Variants in NEBL observed in about 807,000 individuals in gnomAD.
NEBL encodes LIM and SH3 protein 2.
Under a neutral mutation model 140.2 loss-of-function variants are expected in NEBL, and 122 were observed. That is an observed-to-expected ratio of 0.87 (90% confidence interval 0.75 to 1.01). NEBL has a LOEUF of 1.01. NEBL is among the 50% of genes least tolerant of loss of function. The pLI is 0.00. For missense variants in NEBL, 1,365 were observed against 1,231.3 expected (o/e 1.11, Z -1.62); for synonymous variants, 436 against 398.9 (o/e 1.09, Z -1.11).
At chr10:20,877,119 C>T (rs1225872416) in intron 5 of NEBL, among the ~76,000 whole-genome samples, 2 of 152,248 alleles carry the variant, frequency 1.3e-5, no homozygotes, top group Admixed American at 6.5e-5. Flanking sequence ...CCCAAATCAC[C>T]CTTTAAAAGT....
intron 2 of NEBL, among the ~76,000 whole-genome samples, chr10:21,051,973 A>T (rs1387224192): frequency 6.6e-6 from 1 of 152,194 alleles, no homozygotes; most frequent in Non-Finnish European, 1.5e-5. Flanking sequence ...GGAGTTTGAA[A>T]CCAGCCTGGA....
chr10:20,895,581 G>A (rs1847406598), intron 2 of NEBL, among the ~76,000 whole-genome samples: 1 of 152,146 alleles, frequency 6.6e-6, no homozygotes, highest in Non-Finnish European at 1.5e-5. Context: ...TAGTGTTATT[G>A]TTGTTGTTGT....
chr10:21,046,406 G>A (rs1834516031), intron 2 of NEBL, among the ~76,000 whole-genome samples: 1 of 152,090 alleles, frequency 6.6e-6, no homozygotes, highest in Non-Finnish European at 1.5e-5. Context: ...ATGTTAAATA[G>A]CTTGATTTAG....
chr10:21,112,255 A>G (rs1040014191), intron 2 of NEBL, among the ~76,000 whole-genome samples: 2 of 152,214 alleles, frequency 1.3e-5, no homozygotes, highest in Admixed American at 6.5e-5. Flanking sequence ...TACCCAAAGT[A>G]TTATAAATCA....
intron 4 of NEBL, among the ~76,000 whole-genome samples, chr10:20,908,172 C>T (rs1490783927): frequency 6.6e-6 from 1 of 152,128 alleles, no homozygotes; most frequent in East Asian, 1.9e-4. Flanking sequence ...CAGATGAGGT[C>T]ACTAGGATTT....
chr10:21,259,340 C>G (rs899422335), intron 1 of NEBL, among the ~76,000 whole-genome samples: 4 of 152,060 alleles, frequency 2.6e-5, no homozygotes, highest in African/African-American at 4.8e-5. Context: ...TGTGCCCATC[C>G]CTACTTGGAG....
chr10:20,872,317 C>T lies in NEBL; in HGVS notation c.481-2476G>A, dbSNP rs112013284. ...TGCAAATTCAAACAAGAGGACACCACGGAGCCACACAGAAAAAAGCTTCCG... is the reference window on the plus strand; with the variant it reads ...TGCAAATTCAAACAAGAGGACACCATGGAGCCACACAGAAAAAAGCTTCCG... On this transcript the variant is annotated intron_variant, in intron 5 of 27. Transcript: ENST00000377122. Among the ~76,000 whole-genome samples, 1,251 of 152,196 alleles carry T rather than the reference C, an allele frequency of 8.2e-3. 18 individuals are homozygous for T. The highest frequency in any genetic ancestry group is 0.029 in the African/African-American group (1,184 of 41,510).
chr10:20,825,544 G>A (rs1050185468), intron 18 of NEBL, among the ~76,000 whole-genome samples: 1 of 151,932 alleles, frequency 6.6e-6, no homozygotes, highest in African/African-American at 2.4e-5. Flanking sequence ...GTGTGTGCCT[G>A]TAATCCCAGC....
intron 3 of NEBL, among the ~76,000 whole-genome samples, chr10:21,243,157 G>C (rs1458797334): frequency 2.0e-5 from 3 of 152,188 alleles, no homozygotes; most frequent in Admixed American, 2.0e-4. Flanking sequence ...TCCGGGAGTG[G>C]GAAGTGTCTA....
chr10:21,191,596 G>C (rs1841574851), intron 3 of NEBL, among the ~76,000 whole-genome samples: 1 of 152,202 alleles, frequency 6.6e-6, no homozygotes, highest in Admixed American at 6.5e-5. Context: ...TACTTTGCTA[G>C]GCCTATTCAG....
intron 2 of NEBL, among the ~76,000 whole-genome samples, chr10:21,159,207 T>C (rs1038622632): frequency 2.0e-5 from 3 of 152,228 alleles, no homozygotes; most frequent in African/African-American, 7.2e-5. Context: ...CTATCTCACT[T>C]GAGCCACCTT....
chr10:21,221,426 C>T (rs1842065400), intron 3 of NEBL, among the ~76,000 whole-genome samples: 4 of 152,164 alleles, frequency 2.6e-5, no homozygotes, highest in African/African-American at 7.2e-5. Flanking sequence ...ATGAGACACA[C>T]GTAAGTCAGC....
chr10:20,944,382 A>T (rs1247269673), intron 4 of NEBL, among the ~76,000 whole-genome samples: 1 of 152,204 alleles, frequency 6.6e-6, no homozygotes, highest in Non-Finnish European at 1.5e-5. Flanking sequence ...CCTGGGCGAC[A>T]AGACCAAGAC....
intron 3 of NEBL, among the ~76,000 whole-genome samples, chr10:21,232,887 T>C (rs2132256299): frequency 6.6e-6 from 1 of 152,290 alleles, no homozygotes; most frequent in Middle Eastern, 3.4e-3. Flanking sequence ...GTTGCAGTAG[T>C]TCAGGAGAGA....
chr10:21,241,245 A>AAAAT (rs372654187), intron 3 of NEBL, among the ~76,000 whole-genome samples: 18,105 of 146,388 alleles, frequency 0.12, 1,238 homozygotes, highest in South Asian at 0.16. Flanking sequence ...CGATGCCAGC[A>AAAAT]AAATAAATAA....
At chr10:21,125,488 G>T (rs1346534209) in intron 2 of NEBL, among the ~76,000 whole-genome samples, 1 of 152,184 alleles carries the variant, frequency 6.6e-6, no homozygotes, top group Non-Finnish European at 1.5e-5. Flanking sequence ...TCGAAATCTA[G>T]CATCATTCTT....
intron 5 of NEBL, among the ~76,000 whole-genome samples, chr10:20,872,570 G>A (rs1023779216): frequency 1.3e-4 from 20 of 152,188 alleles, no homozygotes; most frequent in African/African-American, 4.1e-4. Context: ...ATCTTGAGAA[G>A]GGAATGGGTA....
At chr10:21,237,363 C>A (rs529711812) in intron 3 of NEBL, among the ~76,000 whole-genome samples, 8 of 151,796 alleles carry the variant, frequency 5.3e-5, no homozygotes, top group African/African-American at 9.7e-5. Flanking sequence ...AGCCACCACA[C>A]CTGGCTAATG....
intron 3 of NEBL, among the ~76,000 whole-genome samples, chr10:20,971,995 C>A (rs1468474751): frequency 6.6e-6 from 1 of 152,180 alleles, no homozygotes; most frequent in Non-Finnish European, 1.5e-5. Flanking sequence ...GAAATCACAA[C>A]AGGGAATAGT....
Sources: allele counts gnomAD v4.1 joint callset (sites outside exome capture counted in the v4.1 genomes callset), GRCh38; gene constraint gnomAD v4.1.1; transcripts MANE v1.5; gene names NCBI Gene and HGNC (gene_info 2026-07-23, HGNC 2026-07-21).